Variants in ITGA8 observed in about 807,000 individuals in gnomAD.
ITGA8 encodes integrin alpha-8.
ITGA8 carries 91 observed loss-of-function variants against 142.3 expected under a neutral mutation model. That is an observed-to-expected ratio of 0.64 (90% CI 0.54 to 0.76). The LOEUF is 0.76. Ranked by LOEUF, ITGA8 falls within the 30% of genes least tolerant of loss-of-function variation. The probability of loss-of-function intolerance (pLI) is 0.00; values close to 1 mark genes in which losing one functional copy is unlikely to be tolerated. For missense variants in ITGA8, 1,406 were observed against 1,327.7 expected (o/e 1.06, Z -0.92); for synonymous variants, 505 against 485.2 (o/e 1.04, Z -0.54).
At chr10:15,528,357 C>A (rs1156614839) in intron 28 of ITGA8, among the ~76,000 whole-genome samples, 1 of 152,160 alleles carries the variant, frequency 6.6e-6, no homozygotes, top group Admixed American at 6.5e-5. Context: ...GCAGCATTTC[C>A]CTGTGTGCTG....
chr10:15,603,322 GTCC>G (rs1388065091), intron 20 of ITGA8, among the ~76,000 whole-genome samples: 3 of 152,100 alleles, frequency 2.0e-5, no homozygotes, highest in African/African-American at 4.8e-5. Flanking sequence ...AATGGACAAG[GTCC>G]TCAGGGGGTG....
intron 2 of ITGA8, among the ~76,000 whole-genome samples, chr10:15,706,902 A>G (rs1181523359): frequency 1.3e-5 from 2 of 152,074 alleles, no homozygotes; most frequent in Non-Finnish European, 2.9e-5. Context: ...CTAATTTCCT[A>G]TCACTCTTGC....
In ITGA8 at chr10:15,604,293, T is replaced by G. The variant is rs771193613; in HGVS notation, c.2033A>C (p.Asn678Thr). Reference protein sequence around the residue: ...NHLMLIINARNEGEGAYEAEL... With the variant: ...NHLMLIINARTEGEGAYEAEL... ...AGCTTCATATGCTCCTTCCCCTTCA[T>G]TTCTTGCATTTATTATGAGCATAAG... The change falls in exon 20 of 30, where the codon AAT becomes ACT. Residue 678 changes from asparagine to threonine, a missense_variant. Asn to Thr is a moderately conservative substitution (Grantham distance 65). Transcript: ENST00000378076. The G allele has an allele frequency of 1.7e-5, 28 of 1,612,762 alleles. No individual in the cohort carries two copies. The highest frequency in any genetic ancestry group is 2.4e-5 in the Non-Finnish European group (28 of 1,179,030).
intron 2 of ITGA8, among the ~76,000 whole-genome samples, chr10:15,709,476 T>C (rs1397559212): frequency 1.3e-5 from 2 of 152,336 alleles, no homozygotes; most frequent in Non-Finnish European, 2.9e-5. Context: ...AAAAAAATAT[T>C]ATTATACATA....
chr10:15,674,820 G>A (rs931568017), intron 6 of ITGA8, among the ~76,000 whole-genome samples: 1 of 151,838 alleles, frequency 6.6e-6, no homozygotes, highest in African/African-American at 2.4e-5. Flanking sequence ...TGCAACTTTA[G>A]TCCCAGCTAC....
Position 15,718,882 on chromosome 10 carries a change from C to G in ITGA8, c.227G>C (p.Gly76Ala), listed in dbSNP as rs1394227512. The change falls in exon 2 of 30, where the codon GGG (glycine) becomes GCG (alanine). Residue 76 changes from glycine to alanine, a missense_variant. Physicochemically the swap from Gly to Ala is moderately conservative, Grantham distance 60 (BLOSUM62 0). Transcript: ENST00000378076. ...CTGGCTGGTGTTGGCTTTGGGCGCC[C>G]CCACCAAGACACTCGCTCTGCAAAA... ...PDARTASVLV[G>A]APKANTSQPD... 1 of 1,613,912 alleles carries G rather than the reference C, an allele frequency of 6.2e-7. No homozygotes were observed. Among genetic ancestry groups the G allele is most frequent in the Non-Finnish European group, 8.5e-7 (1 of 1,180,022 alleles).
intron 2 of ITGA8, among the ~76,000 whole-genome samples, chr10:15,712,598 T>C (rs559390138): frequency 2.6e-5 from 4 of 151,988 alleles, no homozygotes; most frequent in African/African-American, 4.8e-5. Flanking sequence ...CAGACTCCAT[T>C]TCAAAAAAAT....
chr10:15,660,986 C>CA, intron 8 of ITGA8, 64 bp from the exon 9 acceptor site: 4 of 1,358,594 alleles, frequency 2.9e-6, no homozygotes, highest in South Asian at 1.2e-5. Context: ...CACACACACG[C>CA]CATATACTAA....
chr10:15,688,034 G>C lies in ITGA8; in HGVS notation c.348C>G (p.Asn116Lys). Residue 116 changes from asparagine (N) to lysine (K), a missense_variant, in exon 3 of 30, where the codon AAC becomes AAG. By Grantham distance (94) the Asn-to-Lys change is moderately conservative. Coordinates refer to ENST00000378076, the MANE Select transcript of ITGA8 (RefSeq NM_003638.3). ...CRQIPFDTTN[N>K]RKIRVNGTKE... ...TGGTTCCATTAACTCTGATCTTTCT[G>C]TTGTCTGTCAAAGAAGATAGGAAGA... 1.9e-6 allele frequency: 3 copies of C among 1,603,100 alleles called. No homozygotes were observed. Among genetic ancestry groups the C allele is most frequent in the Non-Finnish European group, 2.6e-6 (3 of 1,170,084 alleles).
chr10:15,702,535 C>T lies in ITGA8; in HGVS notation c.344-14497G>A, dbSNP rs1466416939. On this transcript the variant is annotated intron_variant, in intron 2 of 29. Coordinates refer to ENST00000378076, the MANE Select transcript of ITGA8 (RefSeq NM_003638.3). The stretch of plus-strand genomic sequence containing the variant: ...CGAACTCCTGACCTCAGGTGATTCA[C>T]CCACCTCGGCCTCCCAAAGTGCTGG... Among the ~76,000 whole-genome samples, 3 of 152,276 alleles carry T rather than the reference C, an allele frequency of 2.0e-5. No individual in the cohort carries two copies. In the East Asian group the frequency reaches 5.8e-4, roughly 29 times the overall value.
At chr10:15,712,202 C>T (rs1835375408) in intron 2 of ITGA8, among the ~76,000 whole-genome samples, 1 of 152,094 alleles carries the variant, frequency 6.6e-6, no homozygotes, top group Non-Finnish European at 1.5e-5. Flanking sequence ...TTTTAAAATG[C>T]TTTCAACATG....
intron 24 of ITGA8, among the ~76,000 whole-genome samples, chr10:15,572,989 C>T (rs968175921): frequency 3.3e-5 from 5 of 152,322 alleles, no homozygotes; most frequent in East Asian, 1.9e-4. Flanking sequence ...ACTTGGAGGA[C>T]ACAAAATTGT....
chr10:15,717,672 A>G (rs918902262), intron 2 of ITGA8, among the ~76,000 whole-genome samples: 2 of 152,238 alleles, frequency 1.3e-5, no homozygotes, highest in African/African-American at 4.8e-5. Context: ...TTTATAAAAT[A>G]CTTTCCTAAT....
At chr10:15,587,151 G>C (rs1832846542) in intron 22 of ITGA8, among the ~76,000 whole-genome samples, 1 of 151,986 alleles carries the variant, frequency 6.6e-6, no homozygotes, top group Non-Finnish European at 1.5e-5. Flanking sequence ...TCTATCTCTT[G>C]ACCTCATGAT....
At chr10:15,677,905 T>C (rs1485863564) in intron 5 of ITGA8, among the ~76,000 whole-genome samples, 7 of 152,214 alleles carry the variant, frequency 4.6e-5, no homozygotes, top group Non-Finnish European at 1.0e-4. Context: ...AAATTCTGTT[T>C]TTTGGCACTG....
intron 28 of ITGA8, among the ~76,000 whole-genome samples, chr10:15,523,945 C>CA (rs1288142683): frequency 2.6e-5 from 4 of 151,704 alleles, no homozygotes; most frequent in East Asian, 1.9e-4. Context: ...CAAAACAAAA[C>CA]AAAAAAACAA....
At chr10:15,631,286 A>G in intron 13 of ITGA8, among the ~76,000 whole-genome samples, 1 of 152,028 alleles carries the variant, frequency 6.6e-6, no homozygotes, top group South Asian at 2.1e-4. Flanking sequence ...TTGCAGCACT[A>G]TTCACAATAG....
chr10:15,657,468 T>G (rs1834204834), intron 10 of ITGA8, among the ~76,000 whole-genome samples: 1 of 151,932 alleles, frequency 6.6e-6, no homozygotes, highest in South Asian at 2.1e-4. Context: ...CAAAATCATT[T>G]TGTTTATTTT....
At chr10:15,573,836 A>G (rs1834233272) in intron 24 of ITGA8, among the ~76,000 whole-genome samples, 1 of 152,112 alleles carries the variant, frequency 6.6e-6, no homozygotes, top group Non-Finnish European at 1.5e-5. Flanking sequence ...TTGAAAACGA[A>G]TAGGAATAAC....
Sources: gnomAD v4.1 joint callset for allele counts (sites outside exome capture counted in the v4.1 genomes callset) on GRCh38, gnomAD v4.1.1 for gene constraint, MANE v1.5 for transcripts, NCBI Gene and HGNC (gene_info 2026-07-23, HGNC 2026-07-21) for gene names.